Variants in FARP2 observed in about 807,000 individuals in gnomAD.
The protein encoded by FARP2 is FERM, ARH/RhoGEF and pleckstrin domain protein 2.
In FARP2, 111 loss-of-function variants were observed where a neutral mutation model predicts 130.5. The observed-to-expected ratio is 0.85, with a 90% CI of 0.73 to 1.00. The LOEUF (loss-of-function observed/expected upper bound fraction) is 1.00. Ranked by LOEUF, FARP2 falls within the 50% of genes least tolerant of loss-of-function variation. The probability of loss-of-function intolerance (pLI) is 0.00; values close to 1 mark genes in which losing one functional copy is unlikely to be tolerated. For missense variants in FARP2, 1,385 were observed against 1,346.3 expected (o/e 1.03, Z -0.45); for synonymous variants, 504 against 516.9 (o/e 0.98, Z 0.34).
At chr2:241,460,853 G>A (rs1347906470) in intron 14 of FARP2, among the ~76,000 whole-genome samples, 3 of 152,214 alleles carry the variant, frequency 2.0e-5, no homozygotes, top group South Asian at 4.1e-4. Context: ...GAGAACAGCA[G>A]TGGACGTGTG....
At chr2:241,433,471 G>A (rs1285569754) in intron 9 of FARP2, among the ~76,000 whole-genome samples, 1 of 151,900 alleles carries the variant, frequency 6.6e-6, no homozygotes, top group Non-Finnish European at 1.5e-5. Context: ...TGCATGTCCT[G>A]GACATCTAAA....
At position 241,463,407 on chromosome 2, in the gene FARP2, G is replaced by A. The variant is rs959300237; in HGVS notation, c.1750G>A (p.Asp584Asn). The A allele has an allele frequency of 2.5e-6, 4 of 1,614,042 alleles. No homozygotes were observed. The highest frequency in any genetic ancestry group is 1.3e-5 in the African/African-American group (1 of 75,010). ...GATGACGCTGCTCTTCTCCAACATC[G>A]ATCCCATCTATGAGTTCCACAGAGG... ...TLMTLLFSNI[D>N]PIYEFHRGFL... is the part of the protein sequence containing the mutation. The change falls in exon 16 of 27, where the codon GAT (aspartate) becomes AAT (asparagine). Residue 584 changes from aspartate (D) to asparagine (N), a missense_variant. Physicochemically the swap from Asp to Asn is conservative, Grantham distance 23. Coordinates refer to ENST00000264042, the MANE Select transcript of FARP2 (RefSeq NM_014808.4).
chr2:241,409,931 A>G (rs1446708974), intron 5 of FARP2, among the ~76,000 whole-genome samples: 2 of 152,174 alleles, frequency 1.3e-5, no homozygotes, highest in Non-Finnish European at 2.9e-5. Flanking sequence ...AGTCTAGGAA[A>G]GTTTGTAGAA....
chr2:241,387,709 C>T (rs951784553), intron 2 of FARP2, among the ~76,000 whole-genome samples: 10 of 148,298 alleles, frequency 6.7e-5, no homozygotes, highest in Non-Finnish European at 1.2e-4. Flanking sequence ...AAGAGAATGG[C>T]GTGAACCCGG....
At chr2:241,374,739 G>C in intron 2 of FARP2, among the ~76,000 whole-genome samples, 1 of 152,156 alleles carries the variant, frequency 6.6e-6, no homozygotes, top group African/African-American at 2.4e-5. Context: ...TGAGGAGGAA[G>C]TGAAAGATAA....
intron 17 of FARP2, among the ~76,000 whole-genome samples, chr2:241,467,665 T>C (rs991066983): frequency 2.1e-5 from 3 of 142,118 alleles, no homozygotes; most frequent in African/African-American, 7.8e-5. Context: ...AAAAGTCAGG[T>C]GTGGTTATTC....
intron 5 of FARP2, among the ~76,000 whole-genome samples, chr2:241,408,293 A>G (rs1234075528): frequency 6.6e-6 from 1 of 152,010 alleles, no homozygotes; most frequent in Non-Finnish European, 1.5e-5. Context: ...AGTGGCATGA[A>G]CCCGAGAGGC....
chr2:241,473,849 A>G (rs1274384224), intron 18 of FARP2, among the ~76,000 whole-genome samples: 5 of 152,230 alleles, frequency 3.3e-5, no homozygotes, highest in African/African-American at 1.2e-4. Context: ...TGCTGGCTTC[A>G]CTGAAGTTCT....
chr2:241,401,447 G>T (rs2062163646), intron 2 of FARP2, among the ~76,000 whole-genome samples: 1 of 152,184 alleles, frequency 6.6e-6, no homozygotes, highest in South Asian at 2.1e-4. Flanking sequence ...ACATATAAAT[G>T]TATCCATGGG....
rs1212962863 is a variant in FARP2, at chr2:241,482,889, C to T, written c.2263-576C>T. Among the ~76,000 whole-genome samples the T allele has an allele frequency of 1.3e-5, 2 of 152,150 alleles. No individual in the cohort carries two copies. The highest frequency in any genetic ancestry group is 2.4e-5 in the African/African-American group (1 of 41,432). ...GGCAGGATTCTTTTTTCTTATCTAA[C>T]GCCCTGTGGTGGACGAGGTGGTGCT... On this transcript the variant is annotated intron_variant, in intron 19 of 26. Coordinates refer to ENST00000264042, the MANE Select transcript of FARP2 (RefSeq NM_014808.4). This position sits in a 1 kb window ranked among gnomAD's most constrained non-coding sequence, Gnocchi z 4.6.
chr2:241,406,929 T>C (rs1277099976), intron 4 of FARP2, among the ~76,000 whole-genome samples: 1 of 152,114 alleles, frequency 6.6e-6, no homozygotes, highest in African/African-American at 2.4e-5. Context: ...TGCCTCAGCC[T>C]CTGGAGTAGC....
In FARP2 at chr2:241,431,631, G is replaced by C. The variant is rs569213278; in HGVS notation, c.772-48G>C. Reference sequence around the variant, plus strand: ...AGCATTCCCTATTTCATGAGAAAGGGGTTATGTGCCAGATACAAATGTAAT... The same window carrying C: ...AGCATTCCCTATTTCATGAGAAAGGCGTTATGTGCCAGATACAAATGTAAT... On this transcript the variant is annotated intron_variant, in intron 8 of 26. Transcript: ENST00000264042. 17 of 912,594 alleles carry C rather than the reference G, an allele frequency of 1.9e-5. No individual in the cohort carries two copies. In the African/African-American group the frequency reaches 2.6e-4, roughly 14 times the overall value. 56.5% of individuals were successfully genotyped at this position (912,594 alleles called of 1,614,324 possible).
rs750190981 is a variant in FARP2, at chr2:241,406,420, T to G, written c.332-1117T>G. Among the ~76,000 whole-genome samples, 89 of 150,916 alleles carry G rather than the reference T, an allele frequency of 5.9e-4. 1 individual carries two copies. Among genetic ancestry groups the G allele is most frequent in the East Asian group, 1.8e-3 (9 of 5,110 alleles). On this transcript the variant is annotated intron_variant, in intron 4 of 26. Coordinates refer to ENST00000264042, the MANE Select transcript of FARP2 (RefSeq NM_014808.4). ...ATATATATGTCTGTGTGTATATATATAGAGAGAGAGAGAGAGAGCACGCGC... is the reference window on the plus strand; with the variant it reads ...ATATATATGTCTGTGTGTATATATAGAGAGAGAGAGAGAGAGAGCACGCGC...
At chr2:241,437,175 A>G (rs2063253130) in intron 12 of FARP2, among the ~76,000 whole-genome samples, 1 of 152,250 alleles carries the variant, frequency 6.6e-6, no homozygotes, top group South Asian at 2.1e-4. Flanking sequence ...TAACATGGAG[A>G]AATTCTTGCT....
intron 2 of FARP2, among the ~76,000 whole-genome samples, chr2:241,392,999 C>T (rs1036952367): frequency 2.0e-5 from 3 of 151,118 alleles, no homozygotes; most frequent in East Asian, 1.9e-4. Context: ...TGAGATTTAA[C>T]GCTACTCCTG....
intron 1 of FARP2, among the ~76,000 whole-genome samples, chr2:241,358,375 T>C (rs1017504568): frequency 6.6e-6 from 1 of 152,170 alleles, no homozygotes; most frequent in Non-Finnish European, 1.5e-5. Context: ...TTAAGCAAAT[T>C]TATCCTGTTT....
chr2:241,365,790 C>T (rs77845321), intron 1 of FARP2, among the ~76,000 whole-genome samples: 2 of 151,874 alleles, frequency 1.3e-5, no homozygotes, highest in South Asian at 2.1e-4. Flanking sequence ...TGTTTCATTT[C>T]GTTTGGGTTT....
At position 241,482,936 on chromosome 2, in the gene FARP2, C is replaced by A. The variant is rs781326258; in HGVS notation, c.2263-529C>A. 2.4e-4 allele frequency among the ~76,000 whole-genome samples: 37 copies of A among 151,872 alleles called. 1 individual carries two copies. Among genetic ancestry groups the A allele is most frequent in the African/African-American group, 8.0e-4 (33 of 41,314 alleles). On this transcript the variant is annotated intron_variant, in intron 19 of 26. Transcript: ENST00000264042. This position sits in a 1 kb window ranked among gnomAD's most constrained non-coding sequence, Gnocchi z 4.6. The stretch of plus-strand genomic sequence containing the variant: ...TGCTAATTTGAATACTTAGGAGAAC[C>A]CTCCTTTCCTCCTCCCATTCTCGAA...
chr2:241,414,865 A>G (rs1388286130), intron 7 of FARP2, among the ~76,000 whole-genome samples: 1 of 152,222 alleles, frequency 6.6e-6, no homozygotes, highest in African/African-American at 2.4e-5. Context: ...TTCCAGGCAA[A>G]GCACCAGCCT....
Sources: allele counts gnomAD v4.1 joint callset (sites outside exome capture counted in the v4.1 genomes callset), GRCh38; gene constraint gnomAD v4.1.1; non-coding constraint Gnocchi (gnomAD v3.1); transcripts MANE v1.5; gene names NCBI Gene and HGNC (gene_info 2026-07-23, HGNC 2026-07-21).